Variants in GALNT13 observed in about 807,000 individuals in gnomAD.
The protein encoded by GALNT13 is polypeptide N-acetylgalactosaminyltransferase 13, also known as UDP-GalNAc:polypeptide N-acetylgalactosaminyltransferase 13.
In GALNT13, 28 loss-of-function variants were observed where a neutral mutation model predicts 64.2. The ratio of observed to expected loss-of-function variants is 0.44; its 90% CI spans 0.32 to 0.60. The LOEUF (loss-of-function observed/expected upper bound fraction) is 0.60, where lower values mean the gene tolerates loss of function less well. Among genes scored for constraint, GALNT13 ranks in the 20% least tolerant of loss-of-function variants. GALNT13 has a pLI of 0.05. For missense variants in GALNT13, 577 were observed against 669.8 expected (o/e 0.86, Z 1.53); for synonymous variants, 214 against 224.6 (o/e 0.95, Z 0.42).
the GALNT13 span, among the ~76,000 whole-genome samples, chr2:153,169,298 C>G: frequency 6.6e-6 from 1 of 152,142 alleles, no homozygotes; most frequent in Non-Finnish European, 1.5e-5. Context: ...CAGGATGTCT[C>G]TAAGTGAGAT....
chr2:154,069,011 G>A (rs1189932077), intron 3 of GALNT13, among the ~76,000 whole-genome samples: 1 of 151,634 alleles, frequency 6.6e-6, no homozygotes, highest in Non-Finnish European at 1.5e-5. Context: ...TATTTCATGT[G>A]CCCCATAAAT....
chr2:154,004,164 C>T (rs1696097361), intron 3 of GALNT13, among the ~76,000 whole-genome samples: 1 of 151,980 alleles, frequency 6.6e-6, no homozygotes, highest in South Asian at 2.1e-4. Context: ...ATTGTTATTA[C>T]TTTGCTATAG....
At chr2:153,295,091 G>C in the GALNT13 span, among the ~76,000 whole-genome samples, 1 of 152,056 alleles carries the variant, frequency 6.6e-6, no homozygotes. Context: ...CTCTCCTGGT[G>C]GTGTTCCAGG....
chr2:153,316,925 A>T, the GALNT13 span, among the ~76,000 whole-genome samples: 1 of 152,192 alleles, frequency 6.6e-6, no homozygotes, highest in Non-Finnish European at 1.5e-5. Flanking sequence ...TATATGGGTG[A>T]GTGCAATTTG....
At chr2:153,687,626 G>A in the GALNT13 span, among the ~76,000 whole-genome samples, 1 of 151,786 alleles carries the variant, frequency 6.6e-6, no homozygotes, top group African/African-American at 2.4e-5. Flanking sequence ...TCAGTACAGT[G>A]TTTTCACAAG....
At chr2:154,159,102 CTTT>C (rs913764034) in intron 4 of GALNT13, among the ~76,000 whole-genome samples, 1 of 151,658 alleles carries the variant, frequency 6.6e-6, no homozygotes, top group South Asian at 2.1e-4. Context: ...ATGCAGTGGT[CTTT>C]TTTATTATTT....
chr2:153,696,949 T>G, the GALNT13 span, among the ~76,000 whole-genome samples: 86 of 152,284 alleles, frequency 5.6e-4, no homozygotes, highest in Non-Finnish European at 1.2e-3. Context: ...AAATACACTC[T>G]CAAAAGAACT....
chr2:153,709,275 A>C, the GALNT13 span, among the ~76,000 whole-genome samples: 1 of 152,058 alleles, frequency 6.6e-6, no homozygotes, highest in Non-Finnish European at 1.5e-5. Context: ...GAATAGCAAA[A>C]AACAACAACA....
At chr2:153,728,894 T>C in the GALNT13 span, among the ~76,000 whole-genome samples, 1 of 152,020 alleles carries the variant, frequency 6.6e-6, no homozygotes, top group African/African-American at 2.4e-5. Context: ...CTAGAAGAAA[T>C]TGATAAATTC....
the GALNT13 span, among the ~76,000 whole-genome samples, chr2:153,748,045 T>G: frequency 5.1e-4 from 77 of 152,270 alleles, no homozygotes; most frequent in South Asian, 1.4e-3. Context: ...TAAGTATATA[T>G]AAAATATTAG....
intron 3 of GALNT13, among the ~76,000 whole-genome samples, chr2:154,079,372 A>ATATATTT (rs1242195837): frequency 2.0e-5 from 3 of 151,664 alleles, no homozygotes; most frequent in Non-Finnish European, 4.4e-5. Flanking sequence ...TCTAGACAGG[A>ATATATTT]TATATTATGC....
chr2:153,864,366 A>G, the GALNT13 span, among the ~76,000 whole-genome samples: 1 of 152,196 alleles, frequency 6.6e-6, no homozygotes, highest in Non-Finnish European at 1.5e-5. Flanking sequence ...TCTTAAAGGA[A>G]AGATTTAACT....
At chr2:153,333,204 T>G in the GALNT13 span, among the ~76,000 whole-genome samples, 1 of 152,190 alleles carries the variant, frequency 6.6e-6, no homozygotes, top group Non-Finnish European at 1.5e-5. Flanking sequence ...GGGAAAAATA[T>G]CTGAAGCTTT....
At chr2:154,209,334 G>A (rs1687643114) in intron 4 of GALNT13, among the ~76,000 whole-genome samples, 1 of 152,084 alleles carries the variant, frequency 6.6e-6, no homozygotes, top group Non-Finnish European at 1.5e-5. Context: ...GAAAGCTAAG[G>A]ATTTTTTCTT....
At position 154,451,612 on chromosome 2, in the gene GALNT13, T is replaced by G; in HGVS notation, c.*1061T>G. ...AACTCAATACACATTCATTAAACTT[T>G]TGTTGTAATTAAACTGCTATATATT... is the stretch of plus-strand genomic sequence containing the variant. On this transcript the variant is annotated 3_prime_UTR_variant, in exon 13 of 13. Transcript: ENST00000392825. The G allele has an allele frequency of 6.6e-6, 1 of 152,146 alleles. No homozygotes were observed. Among genetic ancestry groups the G allele is most frequent in the East Asian group, 1.9e-4 (1 of 5,184 alleles). 9.4% of individuals were successfully genotyped at this position (152,146 alleles called of 1,614,324 possible).
chr2:153,543,851 A>C, the GALNT13 span, among the ~76,000 whole-genome samples: 1 of 152,240 alleles, frequency 6.6e-6, no homozygotes, highest in Non-Finnish European at 1.5e-5. Context: ...ACTTTTAAAT[A>C]CCTTTCTCTA....
At chr2:154,417,431 G>C (rs1475920768) in intron 11 of GALNT13, among the ~76,000 whole-genome samples, 2 of 151,112 alleles carry the variant, frequency 1.3e-5, no homozygotes, top group Non-Finnish European at 2.9e-5. Flanking sequence ...ATTGTTAGTT[G>C]TTGTTTTTCT....
chr2:154,043,757 G>A (rs1699137325), intron 3 of GALNT13, among the ~76,000 whole-genome samples: 1 of 151,950 alleles, frequency 6.6e-6, no homozygotes, highest in South Asian at 2.1e-4. Context: ...CATGTGACAA[G>A]CATCATAACA....
the GALNT13 span, among the ~76,000 whole-genome samples, chr2:153,401,787 T>C: frequency 6.6e-6 from 1 of 151,602 alleles, no homozygotes. Flanking sequence ...TGGTAGATCT[T>C]TCTCCATCCT....
Sources: gnomAD v4.1 joint callset for allele counts (sites outside exome capture counted in the v4.1 genomes callset) on GRCh38, gnomAD v4.1.1 for gene constraint, MANE v1.5 for transcripts, NCBI Gene and HGNC (gene_info 2026-07-23, HGNC 2026-07-21) for gene names.